Variants in BTRC observed in about 807,000 individuals in gnomAD.
BTRC encodes the protein beta-transducin repeat containing E3 ubiquitin protein ligase, also known as F-box/WD repeat-containing protein 1A.
In BTRC, 42 loss-of-function variants were observed where a neutral mutation model predicts 85.5. That is an observed-to-expected ratio of 0.49 (90% CI 0.38 to 0.64). BTRC has a LOEUF of 0.64. BTRC is among the 30% of genes least tolerant of loss of function. BTRC has a pLI of 0.00. For synonymous variants in BTRC, 255 were observed against 263.3 expected (o/e 0.97, Z 0.30); for missense variants, 594 against 743.5 (o/e 0.80, Z 2.34).
At chr10:101,366,862 A>ATATATATATTTATG (rs1554862147) in intron 1 of BTRC, among the ~76,000 whole-genome samples, 791 of 28,680 alleles carry the variant, frequency 0.028, 49 homozygotes, top group Non-Finnish European at 0.038. Flanking sequence ...ATATATATTT[A>ATATATATATTTATG]TATATTAATA....
At chr10:101,448,151 C>G (rs1196891857) in intron 2 of BTRC, among the ~76,000 whole-genome samples, 6 of 152,108 alleles carry the variant, frequency 3.9e-5, no homozygotes, top group Non-Finnish European at 8.8e-5. Context: ...CAGCCATTCT[C>G]TAGCATTCCA....
At chr10:101,467,955 G>C (rs1429853162) in intron 3 of BTRC, among the ~76,000 whole-genome samples, 1 of 152,130 alleles carries the variant, frequency 6.6e-6, no homozygotes, top group Non-Finnish European at 1.5e-5. Context: ...AGACAAAAGT[G>C]ATCTTTCCAA....
At chr10:101,438,192 C>CA (rs1470575637) in intron 2 of BTRC, among the ~76,000 whole-genome samples, 1 of 151,806 alleles carries the variant, frequency 6.6e-6, no homozygotes, top group African/African-American at 2.4e-5. Flanking sequence ...TTTGGGAGGC[C>CA]AAGGAGGGCA....
intron 3 of BTRC, among the ~76,000 whole-genome samples, chr10:101,463,778 A>T (rs190349983): frequency 1.2e-4 from 18 of 152,272 alleles, no homozygotes; most frequent in Non-Finnish European, 1.0e-4. Context: ...AAGCGTTTCT[A>T]CTTGTGCCTT....
rs762265700 is a variant in BTRC at position 101,479,360 on chromosome 10, C to G, written c.235-8C>G. ...TAAAAACCTGTTTCCAACAAATTCTCTTTACAGACATACAACAGCTGTGCC... is the reference window on the plus strand; with the variant it reads ...TAAAAACCTGTTTCCAACAAATTCTGTTTACAGACATACAACAGCTGTGCC... On this transcript the variant is annotated splice_polypyrimidine_tract_variant and splice_region_variant and intron_variant, in intron 3 of 14. Transcript: ENST00000370187. The G allele has an allele frequency of 6.2e-7, 1 of 1,607,972 alleles. No homozygotes were observed. The highest frequency in any genetic ancestry group is 8.5e-7 in the Non-Finnish European group (1 of 1,175,344).
At chr10:101,539,969 T>C (rs989319511) in intron 13 of BTRC, among the ~76,000 whole-genome samples, 8 of 152,222 alleles carry the variant, frequency 5.3e-5, no homozygotes, top group African/African-American at 1.9e-4. Context: ...TCTTTTCCCA[T>C]TTTTTAATTG....
chr10:101,443,958 AT>A (rs1944758627), intron 2 of BTRC, among the ~76,000 whole-genome samples: 1 of 152,196 alleles, frequency 6.6e-6, no homozygotes, highest in Admixed American at 6.5e-5. Context: ...GCTTATAGTT[AT>A]TTGTTATACA....
chr10:101,467,046 C>A (rs9420822), intron 3 of BTRC, among the ~76,000 whole-genome samples: 56,236 of 151,872 alleles, frequency 0.37, 11,581 homozygotes, highest in Middle Eastern at 0.49. Context: ...ACAAAACAAC[C>A]ACAACAACAA....
intron 1 of BTRC, among the ~76,000 whole-genome samples, chr10:101,423,643 C>T (rs1199169915): frequency 6.6e-6 from 1 of 152,176 alleles, no homozygotes; most frequent in Non-Finnish European, 1.5e-5. Context: ...ACTATAACTT[C>T]ACTGAACTTG....
chr10:101,460,989 G>A (rs1465139875), intron 2 of BTRC, among the ~76,000 whole-genome samples: 1 of 150,480 alleles, frequency 6.6e-6, no homozygotes, highest in East Asian at 2.0e-4. Flanking sequence ...TGCAACCTCG[G>A]CCTCCTGGGT....
At chr10:101,529,175 A>G (rs1273817243) in intron 6 of BTRC, among the ~76,000 whole-genome samples, 1 of 152,240 alleles carries the variant, frequency 6.6e-6, no homozygotes. Context: ...CCTGTTTTCA[A>G]AGATCTTCCA....
In BTRC at chr10:101,389,115, G is replaced by GTTTTTTTTTTTTTT. The variant is rs1471017781; in HGVS notation, c.48+34888_48+34889insTTTTTTTTTTTTTT. Among the ~76,000 whole-genome samples, 9 of 35,460 alleles carry GTTTTTTTTTTTTTT rather than the reference G, an allele frequency of 2.5e-4. 2 individuals are homozygous for GTTTTTTTTTTTTTT. The highest frequency in any genetic ancestry group is 2.7e-4 in the African/African-American group (2 of 7,306). The allele number at this position is 35,460 out of a possible 152,430, so 23.3% of individuals were successfully genotyped here. A position where few individuals can be genotyped will look rare whatever the true frequency, so the allele number is the denominator to read the frequency against. On this transcript the variant is annotated intron_variant, in intron 1 of 14. Transcript: ENST00000370187. ...ATGTTGCATAATTGTGATTTTTTGT[G>GTTTTTTTTTTTTTT]TGTGTTTTTTTTTTTTTTTTTTTTT... is the stretch of plus-strand genomic sequence containing the variant.
chr10:101,459,152 T>C (rs756333674), intron 2 of BTRC, among the ~76,000 whole-genome samples: 29 of 152,214 alleles, frequency 1.9e-4, no homozygotes, highest in Non-Finnish European at 2.9e-4. Flanking sequence ...TAATCACTTA[T>C]CCTTAAATAG....
At chr10:101,384,501 G>A (rs372782061) in intron 1 of BTRC, among the ~76,000 whole-genome samples, 1 of 152,170 alleles carries the variant, frequency 6.6e-6, no homozygotes, top group East Asian at 1.9e-4. Context: ...GTAGTTTATG[G>A]TAAATTATAG....
At chr10:101,417,035 A>G (rs1395613526) in intron 1 of BTRC, among the ~76,000 whole-genome samples, 1 of 152,098 alleles carries the variant, frequency 6.6e-6, no homozygotes, top group African/African-American at 2.4e-5. Context: ...ACCACTTGAG[A>G]ATAAGGTTCT....
Position 101,553,177 on chromosome 10 carries a change from T to C in BTRC, c.*54T>C, listed in dbSNP as rs943830461. 1 of 152,646 alleles carries C rather than the reference T, an allele frequency of 6.6e-6. No homozygotes were observed. The highest frequency in any genetic ancestry group is 1.5e-5 in the Non-Finnish European group (1 of 68,048). 9.5% of individuals were successfully genotyped at this position (152,646 alleles called of 1,614,324 possible). ...CAGGACCCATTAAAGTTGCGGTATT[T>C]AACGTATCTGCCAATACCAGGATGA... On this transcript the variant is annotated 3_prime_UTR_variant, in exon 15 of 15. Coordinates refer to ENST00000370187, the MANE Select transcript of BTRC (RefSeq NM_033637.4).
At chr10:101,423,520 A>G (rs1305633381) in intron 1 of BTRC, among the ~76,000 whole-genome samples, 2 of 152,122 alleles carry the variant, frequency 1.3e-5, no homozygotes, top group African/African-American at 4.8e-5. Context: ...TTTTTCTTGT[A>G]GTTACTATTT....
At chr10:101,500,344 A>G (rs1470450861) in intron 4 of BTRC, among the ~76,000 whole-genome samples, 1 of 152,212 alleles carries the variant, frequency 6.6e-6, no homozygotes, top group African/African-American at 2.4e-5. Flanking sequence ...GAAAAGGTAT[A>G]GTAAGAATAC....
chr10:101,511,926 C>T (rs1315802089), intron 4 of BTRC, among the ~76,000 whole-genome samples: 2 of 152,230 alleles, frequency 1.3e-5, no homozygotes, highest in Non-Finnish European at 2.9e-5. Flanking sequence ...GCTGGGATTA[C>T]AGGCATGAGC....
Sources: gnomAD v4.1 joint callset for allele counts (sites outside exome capture counted in the v4.1 genomes callset) on GRCh38, gnomAD v4.1.1 for gene constraint, MANE v1.5 for transcripts, NCBI Gene and HGNC (gene_info 2026-07-23, HGNC 2026-07-21) for gene names.